The following CFAP299 variants were observed in gnomAD, a reference collection of about 807,000 sequenced individuals.
The protein encoded by CFAP299 is cilia and flagella associated protein 299.
CFAP299 carries 21 observed loss-of-function variants against 27.0 expected under a neutral mutation model. That is an observed-to-expected ratio of 0.78 (90% CI 0.55 to 1.12). The LOEUF (loss-of-function observed/expected upper bound fraction) is 1.12. CFAP299 is among the 50% of genes most tolerant of loss of function. The probability of loss-of-function intolerance (pLI) is 0.00; values close to 1 mark genes in which losing one functional copy is unlikely to be tolerated. For missense variants in CFAP299, 310 were observed against 276.6 expected (o/e 1.12, Z -0.86); for synonymous variants, 104 against 98.1 (o/e 1.06, Z -0.36).
chr4:80,653,799 T>C (rs1265059022), intron 3 of CFAP299, among the ~76,000 whole-genome samples: 1 of 152,198 alleles, frequency 6.6e-6, no homozygotes, highest in Non-Finnish European at 1.5e-5. Context: ...AATTCTAATA[T>C]TGAAAAAATT....
chr4:80,627,015 A>C (rs1291693555), intron 3 of CFAP299, among the ~76,000 whole-genome samples: 2 of 151,588 alleles, frequency 1.3e-5, no homozygotes, highest in African/African-American at 2.4e-5. Flanking sequence ...TGATACCAAC[A>C]AACAAACAAA....
At chr4:80,329,579 A>G in the CFAP299 span, among the ~76,000 whole-genome samples, 1 of 152,200 alleles carries the variant, frequency 6.6e-6, no homozygotes, top group East Asian at 1.9e-4. Flanking sequence ...ATGAATCTGT[A>G]GCCAAAGAAT....
intron 2 of CFAP299, chr4:80,388,179 G>T: frequency 2.9e-6 from 2 of 686,850 alleles, no homozygotes; most frequent in East Asian, 2.7e-5. Flanking sequence ...GGTGGAGGAG[G>T]GGGTGAAGGC....
At chr4:80,669,746 A>G (rs1042481756) in intron 3 of CFAP299, among the ~76,000 whole-genome samples, 9 of 152,048 alleles carry the variant, frequency 5.9e-5, no homozygotes, top group Admixed American at 2.6e-4. Flanking sequence ...AAGTGGTGAA[A>G]GTGGGCAACC....
intron 3 of CFAP299, among the ~76,000 whole-genome samples, chr4:80,685,054 T>G (rs1473628855): frequency 6.6e-6 from 1 of 152,302 alleles, no homozygotes; most frequent in South Asian, 2.1e-4. Flanking sequence ...AAAATTTGGA[T>G]CTGGATGCTG....
chr4:80,728,073 C>A (rs1723260193), intron 3 of CFAP299, among the ~76,000 whole-genome samples: 1 of 151,864 alleles, frequency 6.6e-6, no homozygotes, highest in Non-Finnish European at 1.5e-5. Flanking sequence ...TGAAACATTG[C>A]AATTTCAAAA....
chr4:80,738,051 G>A (rs1255342278), intron 3 of CFAP299, among the ~76,000 whole-genome samples: 1 of 152,018 alleles, frequency 6.6e-6, no homozygotes, highest in Admixed American at 6.6e-5. Context: ...AATTCCACTT[G>A]TTATTCATTT....
chr4:80,584,794 G>A (rs375213531), intron 3 of CFAP299, among the ~76,000 whole-genome samples: 10 of 151,742 alleles, frequency 6.6e-5, no homozygotes, highest in Admixed American at 3.3e-4. Flanking sequence ...TCACTTAGTC[G>A]TTAAACAGGT....
intron 5 of CFAP299, among the ~76,000 whole-genome samples, chr4:80,952,729 G>T (rs923969156): frequency 6.6e-6 from 1 of 151,728 alleles, no homozygotes; most frequent in Non-Finnish European, 1.5e-5. Flanking sequence ...TTTAGAGGAA[G>T]AGTCCAGCAA....
At chr4:80,924,106 C>T (rs1196063610) in intron 4 of CFAP299, among the ~76,000 whole-genome samples, 1 of 151,786 alleles carries the variant, frequency 6.6e-6, no homozygotes, top group Admixed American at 6.6e-5. Flanking sequence ...TTGCTCTCTA[C>T]TTTTGAATGT....
At chr4:80,457,943 G>A (rs796931585) in intron 2 of CFAP299, among the ~76,000 whole-genome samples, 5 of 152,084 alleles carry the variant, frequency 3.3e-5, no homozygotes, top group East Asian at 3.9e-4. Context: ...AACTCCCGAC[G>A]TCCATTTCTA....
At chr4:80,339,254 G>A (rs541102302) in intron 1 of CFAP299, among the ~76,000 whole-genome samples, 174 of 152,256 alleles carry the variant, frequency 1.1e-3, no homozygotes, top group African/African-American at 3.9e-3. Context: ...GCTAACCCAA[G>A]GATGCTTCAC....
At chr4:80,487,914 T>A (rs1730908427) in intron 2 of CFAP299, among the ~76,000 whole-genome samples, 1 of 152,234 alleles carries the variant, frequency 6.6e-6, no homozygotes, top group Non-Finnish European at 1.5e-5. Context: ...AAAGTAATGA[T>A]GGTTCAGTAC....
intron 3 of CFAP299, chr4:80,608,259 C>A: frequency 2.0e-6 from 2 of 976,592 alleles, no homozygotes; most frequent in Non-Finnish European, 3.1e-6. Context: ...GGGGTTCAAG[C>A]TATACTTTAG....
chr4:80,624,998 T>A (rs901309504), intron 3 of CFAP299, among the ~76,000 whole-genome samples: 2 of 152,066 alleles, frequency 1.3e-5, no homozygotes, highest in African/African-American at 4.8e-5. Context: ...AGGGAGCTCT[T>A]CAAGGTGAAA....
intron 2 of CFAP299, among the ~76,000 whole-genome samples, chr4:80,500,470 G>A (rs1254458981): frequency 2.0e-5 from 3 of 152,070 alleles, no homozygotes; most frequent in Non-Finnish European, 2.9e-5. Flanking sequence ...ATCTGTGTAG[G>A]TTGTACTCTG....
intron 2 of CFAP299, among the ~76,000 whole-genome samples, chr4:80,464,097 T>A (rs1560579023): frequency 6.6e-6 from 1 of 152,094 alleles, no homozygotes; most frequent in Non-Finnish European, 1.5e-5. Context: ...ATTTTTTTTT[T>A]AAATGCACTC....
At position 80,591,130 on chromosome 4, in the gene CFAP299, TTA is replaced by T. The variant is rs1560643077; in HGVS notation, c.333+7949_333+7950del. ...ATTTTTTTTTTTTTTTTTTTTTTTT[TTA>T]TTTTTTTTTGAGACGGAGTCTCGCT... On this transcript the variant is annotated intron_variant, in intron 3 of 5. Transcript: ENST00000358105. Among the ~76,000 whole-genome samples, 37 of 137,914 alleles carry T rather than the reference TTA, an allele frequency of 2.7e-4. 1 individual carries two copies. Among genetic ancestry groups the T allele is most frequent in the East Asian group, 2.4e-3 (10 of 4,214 alleles). The allele number at this position is 137,914 out of a possible 152,430, so 90.5% of individuals were successfully genotyped here.
intron 3 of CFAP299, among the ~76,000 whole-genome samples, chr4:80,764,532 A>G (rs745548686): frequency 1.1e-4 from 17 of 152,176 alleles, no homozygotes; most frequent in Non-Finnish European, 1.9e-4. Context: ...GGAAGACAGT[A>G]TGGTGATTCC....
Sources: gnomAD v4.1 joint callset for allele counts (sites outside exome capture counted in the v4.1 genomes callset) on GRCh38, gnomAD v4.1.1 for gene constraint, MANE v1.5 for transcripts, NCBI Gene and HGNC (gene_info 2026-07-23, HGNC 2026-07-21) for gene names.